HS3ST2: variants seen among roughly 807,000 people sequenced by gnomAD.
HS3ST2 encodes the protein heparan sulfate-glucosamine 3-sulfotransferase 2.
HS3ST2 carries 17 observed loss-of-function variants against 26.3 expected under a neutral mutation model. The observed-to-expected ratio is 0.65, with a 90% CI of 0.44 to 0.97. HS3ST2 has a LOEUF of 0.97. HS3ST2 is among the 50% of genes least tolerant of loss of function. The probability of loss-of-function intolerance (pLI) is 0.00; values close to 1 mark genes in which losing one functional copy is unlikely to be tolerated. For synonymous variants in HS3ST2, 237 were observed against 219.2 expected (o/e 1.08, Z -0.72); for missense variants, 402 against 501.2 (o/e 0.80, Z 1.89).
At chr16:22,849,346 GCAAA>G (rs1901488164) in intron 1 of HS3ST2, among the ~76,000 whole-genome samples, 1 of 151,928 alleles carries the variant, frequency 6.6e-6, no homozygotes, top group Non-Finnish European at 1.5e-5. Flanking sequence ...TAAATTAAGG[GCAAA>G]CAAACCTCTT....
rs1050462508 is a variant in HS3ST2, at chr16:22,842,014, G to A, written c.485+26919G>A. On this transcript the variant is annotated intron_variant, in intron 1 of 1. Coordinates refer to ENST00000261374, the MANE Select transcript of HS3ST2 (RefSeq NM_006043.2). ...CTTTTTTTTTCTCTGGTTGTTTTTC[G>A]CTGTATCTTTGGTGTTCTGTAATGT... Among the ~76,000 whole-genome samples the A allele has an allele frequency of 1.0e-4, 15 of 147,086 alleles. 1 individual carries two copies. Among genetic ancestry groups the A allele is most frequent in the South Asian group, 8.9e-4 (4 of 4,488 alleles).
intron 1 of HS3ST2, among the ~76,000 whole-genome samples, chr16:22,887,865 C>A (rs928194594): frequency 6.6e-6 from 1 of 152,014 alleles, no homozygotes; most frequent in Non-Finnish European, 1.5e-5. Flanking sequence ...GGGAGGATCA[C>A]TTAAGCTTCT....
At chr16:22,868,549 C>G (rs1263439713) in intron 1 of HS3ST2, among the ~76,000 whole-genome samples, 3 of 151,806 alleles carry the variant, frequency 2.0e-5, no homozygotes, top group Non-Finnish European at 2.9e-5. Context: ...TGTATATCAG[C>G]TAGAGAATGC....
intron 1 of HS3ST2, among the ~76,000 whole-genome samples, chr16:22,854,207 C>T (rs555643590): frequency 1.3e-5 from 2 of 152,242 alleles, no homozygotes; most frequent in East Asian, 3.9e-4. Context: ...TCAACATCGT[C>T]TTTGATGTCT....
chr16:22,851,266 G>A (rs1239749542), intron 1 of HS3ST2, among the ~76,000 whole-genome samples: 1 of 152,124 alleles, frequency 6.6e-6, no homozygotes, highest in Non-Finnish European at 1.5e-5. Context: ...GAACTGATGG[G>A]GCACATATTA....
chr16:22,845,668 A>C (rs1901421534), intron 1 of HS3ST2, among the ~76,000 whole-genome samples: 1 of 152,084 alleles, frequency 6.6e-6, no homozygotes, highest in Admixed American at 6.6e-5. Flanking sequence ...ATATTTTATC[A>C]ATCATTTCTA....
chr16:22,837,068 T>C (rs1901267379), intron 1 of HS3ST2, among the ~76,000 whole-genome samples: 1 of 152,132 alleles, frequency 6.6e-6, no homozygotes, highest in East Asian at 1.9e-4. Context: ...TTTTTTCCCC[T>C]TTTGTTGGCA....
chr16:22,874,871 C>T (rs888092581), intron 1 of HS3ST2, among the ~76,000 whole-genome samples: 3 of 152,238 alleles, frequency 2.0e-5, no homozygotes, highest in Admixed American at 2.0e-4. Context: ...CAGGACTCCT[C>T]TGCAGCTGAG....
intron 1 of HS3ST2, among the ~76,000 whole-genome samples, chr16:22,882,616 C>T (rs1195229936): frequency 1.3e-5 from 2 of 152,162 alleles, no homozygotes; most frequent in East Asian, 3.9e-4. Flanking sequence ...CGCCTATAGT[C>T]CCAGCTACTC....
chr16:22,838,332 C>G (rs1596609624), intron 1 of HS3ST2, among the ~76,000 whole-genome samples: 1 of 152,114 alleles, frequency 6.6e-6, no homozygotes, highest in African/African-American at 2.4e-5. Flanking sequence ...ATGTTCGAAG[C>G]TGACCCGCTG....
intron 1 of HS3ST2, among the ~76,000 whole-genome samples, chr16:22,851,900 G>T (rs886797284): frequency 6.6e-6 from 1 of 152,112 alleles, no homozygotes; most frequent in Non-Finnish European, 1.5e-5. Context: ...GTGCTTATGG[G>T]GTTGTCCTTC....
chr16:22,814,622 G>C lies in HS3ST2; in HGVS notation c.12G>C (p.Arg4Ser). ...GGGCCCATGGAGCCATGGCCTATAG[G>C]GTCCTGGGCCGCGCGGGGCCACCTC... MAY[R>S]VLGRAGPPQP... is the part of the protein sequence containing the mutation. The change falls in exon 1 of 2, where the codon AGG (arginine) becomes AGC (serine). Residue 4 changes from arginine (R) to serine (S), a missense_variant. Coordinates refer to ENST00000261374, the MANE Select transcript of HS3ST2 (RefSeq NM_006043.2). 6.5e-7 allele frequency: 1 copy of C among 1,545,864 alleles called. No individual in the cohort carries two copies. The highest frequency in any genetic ancestry group is 8.7e-7 in the Non-Finnish European group (1 of 1,146,702).
At position 22,883,041 on chromosome 16, in the gene HS3ST2, A is replaced by T. The variant is rs556216170; in HGVS notation, c.486-31903A>T. Among the ~76,000 whole-genome samples the T allele has an allele frequency of 2.6e-3, 389 of 152,230 alleles. 1 individual carries two copies. Among genetic ancestry groups the T allele is most frequent in the Non-Finnish European group, 3.9e-3 (267 of 68,024 alleles). On this transcript the variant is annotated intron_variant, in intron 1 of 1. Transcript: ENST00000261374. Reference sequence around the variant, plus strand: ...TGAGACTCCATCTCAGAAAAAAAAAAAAAAAAGATTCCCAGACCATAGCAA... The same window carrying T: ...TGAGACTCCATCTCAGAAAAAAAAATAAAAAAGATTCCCAGACCATAGCAA...
intron 1 of HS3ST2, among the ~76,000 whole-genome samples, chr16:22,911,633 G>A (rs911406358): frequency 2.0e-5 from 3 of 152,148 alleles, no homozygotes; most frequent in Admixed American, 6.5e-5. Context: ...AGGTGTTCAC[G>A]TCTTGTAGAC....
intron 1 of HS3ST2, among the ~76,000 whole-genome samples, chr16:22,817,637 G>A (rs1032729181): frequency 3.9e-5 from 6 of 152,110 alleles, no homozygotes; most frequent in South Asian, 2.1e-4. Context: ...AGGATGTTCC[G>A]CTCTCTGTCC....
At position 22,915,574 on chromosome 16, in the gene HS3ST2, G is replaced by C; in HGVS notation, c.*12G>C. ...TCAGGTGGGAATAAGCCCACGAAAGGAAAGGGCTCTCAAGGGCTCTTCTGC... is the reference window on the plus strand; with the variant it reads ...TCAGGTGGGAATAAGCCCACGAAAGCAAAGGGCTCTCAAGGGCTCTTCTGC... On this transcript the variant is annotated 3_prime_UTR_variant, in exon 2 of 2. Coordinates refer to ENST00000261374, the MANE Select transcript of HS3ST2 (RefSeq NM_006043.2). 4 of 1,606,180 alleles carry C rather than the reference G, an allele frequency of 2.5e-6. No individual in the cohort carries two copies. Among genetic ancestry groups the C allele is most frequent in the Non-Finnish European group, 3.4e-6 (4 of 1,176,060 alleles).
intron 1 of HS3ST2, among the ~76,000 whole-genome samples, chr16:22,822,055 G>T (rs1006090352): frequency 2.2e-4 from 33 of 152,292 alleles, no homozygotes; most frequent in African/African-American, 7.5e-4. Context: ...TCTGCTCTAG[G>T]TGGAGGCTAA....
chr16:22,819,417 C>G (rs1334874690), intron 1 of HS3ST2, among the ~76,000 whole-genome samples: 1 of 152,090 alleles, frequency 6.6e-6, no homozygotes, highest in African/African-American at 2.4e-5. Flanking sequence ...ATAGACTCTT[C>G]AGGGTCATCT....
intron 1 of HS3ST2, among the ~76,000 whole-genome samples, chr16:22,878,831 G>T (rs1392863225): frequency 1.3e-5 from 2 of 152,130 alleles, no homozygotes; most frequent in African/African-American, 4.8e-5. Context: ...TCCATGCAGG[G>T]TGGATGGCAG....
Sources: allele counts gnomAD v4.1 joint callset (sites outside exome capture counted in the v4.1 genomes callset), GRCh38; gene constraint gnomAD v4.1.1; transcripts MANE v1.5; gene names NCBI Gene and HGNC (gene_info 2026-07-23, HGNC 2026-07-21).